The following WDR26 variants were observed in gnomAD, a reference collection of about 807,000 sequenced individuals.
WDR26 encodes WD repeat domain 26, also known as WD repeat-containing protein 26.
In WDR26, 5 loss-of-function variants were observed where a neutral mutation model predicts 84.1. The ratio of observed to expected loss-of-function variants is 0.06; its 90% CI spans 0.03 to 0.13. The LOEUF (loss-of-function observed/expected upper bound fraction) is 0.13. Ranked by LOEUF, WDR26 falls within the 10% of genes least tolerant of loss-of-function variation. The pLI, the probability that WDR26 is intolerant of heterozygous loss-of-function variation, is 1.00. For synonymous variants in WDR26, 415 were observed against 389.6 expected (o/e 1.07, Z -0.77); for missense variants, 642 against 974.9 (o/e 0.66, Z 4.55).
In WDR26 at chr1:224,398,162, C is replaced by T; in HGVS notation, c.2009G>A (p.Gly670Glu). ...AAAACATGAATGAATTGTATAAAAC[C>T]CTTGTGTAACACCTTGATACTTTCT... The change falls in exon 12 of 14, where the codon GGG becomes GAG. Residue 670 changes from glycine (G) to glutamate (E), a missense_variant. Gly to Glu is a moderately conservative substitution (Grantham distance 98, BLOSUM62 -2). Coordinates refer to ENST00000414423, the MANE Select transcript of WDR26 (RefSeq NM_001379403.1). 6.2e-7 allele frequency: 1 copy of T among 1,613,520 alleles called. No individual in the cohort carries two copies. Among genetic ancestry groups the T allele is most frequent in the Non-Finnish European group, 8.5e-7 (1 of 1,179,860 alleles).
intron 10 of WDR26, 142 bp from the exon 11 acceptor site, chr1:224,398,735 C>A: frequency 1.7e-6 from 2 of 1,189,460 alleles, no homozygotes; most frequent in Non-Finnish European, 2.4e-6. Context: ...TGAGAAGAAT[C>A]TGAGTTACTG....
At chr1:224,408,450 T>C (rs1673642466) in intron 7 of WDR26, among the ~76,000 whole-genome samples, 1 of 152,230 alleles carries the variant, frequency 6.6e-6, no homozygotes. Flanking sequence ...GGGATTCTTA[T>C]ACACTGCTAC....
chr1:224,427,201 A>C (rs1449214293), intron 3 of WDR26, among the ~76,000 whole-genome samples: 2 of 151,096 alleles, frequency 1.3e-5, no homozygotes, highest in Non-Finnish European at 2.9e-5. Context: ...TTTTTCATTT[A>C]AATGTCACAT....
chr1:224,390,735 A>G (rs1489006808), intron 13 of WDR26, among the ~76,000 whole-genome samples: 1 of 152,158 alleles, frequency 6.6e-6, no homozygotes, highest in Non-Finnish European at 1.5e-5. Flanking sequence ...GCACCACTGC[A>G]CTTCAGCCTG....
rs535721642 is a variant in WDR26 at position 224,414,615 on chromosome 1, A to G, written c.1320-3050T>C. ...GTTCCAATGCTAAAATCTAGTTTCT[A>G]AAAGAGTAAAGAAAGTAATAAAAAT... is the stretch of plus-strand genomic sequence containing the variant. On this transcript the variant is annotated intron_variant, in intron 6 of 13. Coordinates refer to ENST00000414423, the MANE Select transcript of WDR26 (RefSeq NM_001379403.1). 4.6e-5 allele frequency among the ~76,000 whole-genome samples: 7 copies of G among 152,318 alleles called. No individual in the cohort carries two copies. In the East Asian group the frequency reaches 7.7e-4, roughly 17 times the overall value.
At chr1:224,392,406 C>A (rs1446911838) in intron 13 of WDR26, among the ~76,000 whole-genome samples, 2 of 151,762 alleles carry the variant, frequency 1.3e-5, no homozygotes, top group African/African-American at 4.8e-5. Flanking sequence ...AAATCTGTTA[C>A]TACATACCTA....
chr1:224,400,613 T>C (rs1673386723), intron 9 of WDR26, among the ~76,000 whole-genome samples: 1 of 152,236 alleles, frequency 6.6e-6, no homozygotes, highest in Non-Finnish European at 1.5e-5. Context: ...TGGCGCGATC[T>C]TGGCCCACTG....
intron 3 of WDR26, among the ~76,000 whole-genome samples, chr1:224,428,765 G>A (rs1458101875): frequency 1.1e-4 from 16 of 151,730 alleles, no homozygotes; most frequent in Non-Finnish European, 1.5e-5. Flanking sequence ...AATTAGCCAG[G>A]CTTGGTGATG....
chr1:224,393,797 A>G, intron 13 of WDR26, 31 bp downstream of exon 13: 1 of 1,451,348 alleles, frequency 6.9e-7, no homozygotes, highest in Non-Finnish European at 9.3e-7. Context: ...TCATTTGGAC[A>G]AAACATAGTA....
Position 224,434,074 on chromosome 1 carries a change from C to T in WDR26, c.332G>A (p.Gly111Glu). Residue 111 changes from glycine (G) to glutamate (E), a missense_variant, in exon 1 of 14, where the codon GGA becomes GAA. Physicochemically the swap from Gly to Glu is moderately conservative, Grantham distance 98 (BLOSUM62 -2). Coordinates refer to ENST00000414423, the MANE Select transcript of WDR26 (RefSeq NM_001379403.1). The stretch of plus-strand genomic sequence containing the variant: ...TCCTCCACCGCCGCCGCCGCCACCT[C>T]CTCCTCCTCCTCCTGCCCCATTGGC... 1 of 1,449,234 alleles carries T rather than the reference C, an allele frequency of 6.9e-7. No homozygotes were observed. The highest frequency in any genetic ancestry group is 9.0e-7 in the Non-Finnish European group (1 of 1,106,836). The allele number at this position is 1,449,234 out of a possible 1,614,324, so 89.8% of individuals were successfully genotyped here. A position where few individuals can be genotyped will look rare whatever the true frequency, so the allele number is the denominator to read the frequency against.
rs1307139175 is a variant in WDR26 at position 224,389,522 on chromosome 1, C to T, written c.*313G>A. On this transcript the variant is annotated 3_prime_UTR_variant, in exon 14 of 14. Transcript: ENST00000414423. The stretch of plus-strand genomic sequence containing the variant: ...GCAACAAGAATGGTATCCTGCCAGA[C>T]AAAAGACAGGAAGGAAAAAAATATA... The T allele has an allele frequency of 3.9e-6, 2 of 511,954 alleles. No homozygotes were observed. The highest frequency in any genetic ancestry group is 4.1e-5 in the African/African-American group (2 of 49,306). 31.7% of individuals were successfully genotyped at this position (511,954 alleles called of 1,614,324 possible).
Position 224,404,567 on chromosome 1 carries a change from T to C in WDR26, c.1462A>G (p.Thr488Ala), listed in dbSNP as rs1405439056. The change falls in exon 8 of 14, where the codon ACA (threonine) becomes GCA (alanine). Residue 488 changes from threonine (T) to alanine (A), a missense_variant. By Grantham distance (58) the Thr-to-Ala change is moderately conservative (BLOSUM62 0). Coordinates refer to ENST00000414423, the MANE Select transcript of WDR26 (RefSeq NM_001379403.1). ...GTTTTAAGCAGTTTTAGCAGGTGTG[T>C]ATCCTGGGAGGGAAAATAAACAATT... 2 of 1,611,032 alleles carry C rather than the reference T, an allele frequency of 1.2e-6. No individual in the cohort carries two copies. The highest frequency in any genetic ancestry group is 3.4e-5 in the Admixed American group (2 of 59,558).
In WDR26 at chr1:224,403,070, CT is replaced by C. The variant is rs530655201; in HGVS notation, c.1599+1359del. On this transcript the variant is annotated intron_variant, in intron 8 of 13. Transcript: ENST00000414423. ...TATATGTAAGTACAAATGCACATTTCTTTTTTTTTTTGAGATGGGAGTCTCA... is the reference window on the plus strand; with the variant it reads ...TATATGTAAGTACAAATGCACATTTCTTTTTTTTTTGAGATGGGAGTCTCA... Among the ~76,000 whole-genome samples, 232 of 145,922 alleles carry C rather than the reference CT, an allele frequency of 1.6e-3. 2 individuals are homozygous for C. The East Asian group carries it at 0.029, about 18-fold the overall frequency.
chr1:224,404,268 T>C (rs559869342), intron 8 of WDR26, among the ~76,000 whole-genome samples, 162 bp downstream of exon 8: 2 of 152,348 alleles, frequency 1.3e-5, no homozygotes, highest in East Asian at 3.8e-4. Flanking sequence ...AATACTTAAA[T>C]TGATAAATCT....
Position 224,419,312 on chromosome 1 carries a change from G to C in WDR26, c.1162+206C>G, listed in dbSNP as rs550021396. The stretch of plus-strand genomic sequence containing the variant: ...CATCACATAATACAAATGAAAGAAG[G>C]GCTGCTCTGGAACCAGTGCCCTTTC... On this transcript the variant is annotated intron_variant, in intron 5 of 13. Transcript: ENST00000414423. 1.1e-4 allele frequency: 57 copies of C among 508,248 alleles called. 2 individuals are homozygous for C. In the South Asian group the frequency reaches 1.7e-3, roughly 15 times the overall value. 31.5% of individuals were successfully genotyped at this position (508,248 alleles called of 1,614,324 possible).
At chr1:224,414,541 G>T (rs7527044) in intron 6 of WDR26, among the ~76,000 whole-genome samples, 42,284 of 151,986 alleles carry the variant, frequency 0.28, 7,218 homozygotes, top group African/African-American at 0.47. Context: ...AGAAAAAAGC[G>T]GGTATTTAAT....
chr1:224,400,797 C>T (rs578097200), intron 9 of WDR26, among the ~76,000 whole-genome samples, 153 bp downstream of exon 9: 13 of 152,278 alleles, frequency 8.5e-5, no homozygotes, highest in African/African-American at 2.2e-4. Context: ...CCACCTGCCT[C>T]GGCCTCCCAA....
chr1:224,432,857 T>G (rs1189311550), intron 1 of WDR26, among the ~76,000 whole-genome samples: 2 of 152,134 alleles, frequency 1.3e-5, no homozygotes, highest in African/African-American at 4.8e-5. Flanking sequence ...ACCCCCTTAG[T>G]TTTTCTTTGT....
intron 13 of WDR26, among the ~76,000 whole-genome samples, chr1:224,390,828 T>C (rs1022647291): frequency 6.6e-6 from 1 of 152,174 alleles, no homozygotes; most frequent in Non-Finnish European, 1.5e-5. Context: ...TGGTTTTTAG[T>C]GTACCCACAG....
Sources: allele counts gnomAD v4.1 joint callset (sites outside exome capture counted in the v4.1 genomes callset), GRCh38; gene constraint gnomAD v4.1.1; transcripts MANE v1.5; gene names NCBI Gene and HGNC (gene_info 2026-07-23, HGNC 2026-07-21).